The following HLCS variants were observed in gnomAD, a reference collection of about 807,000 sequenced individuals.
HLCS encodes the protein biotin--protein ligase.
Under a neutral mutation model 75.0 loss-of-function variants are expected in HLCS, and 53 were observed. That is an observed-to-expected ratio of 0.71 (90% CI 0.57 to 0.89). The LOEUF (loss-of-function observed/expected upper bound fraction) is 0.89. HLCS is among the 40% of genes least tolerant of loss of function. The pLI is 0.00. For missense variants in HLCS, 966 were observed against 1,074.0 expected (o/e 0.90, Z 1.41); for synonymous variants, 431 against 428.6 (o/e 1.01, Z -0.07).
chr21:36,821,169 C>T (rs183752097), intron 6 of HLCS, among the ~76,000 whole-genome samples: 45 of 152,286 alleles, frequency 3.0e-4, no homozygotes, highest in African/African-American at 1.0e-3. Context: ...ACTTGGGTGA[C>T]GGCGAATTTC....
At chr21:36,887,537 A>G (rs2053072136) in intron 6 of HLCS, among the ~76,000 whole-genome samples, 1 of 152,234 alleles carries the variant, frequency 6.6e-6, no homozygotes, top group Non-Finnish European at 1.5e-5. Context: ...GGCATGTGAA[A>G]GGTTAACTTA....
upstream of HLCS, among the ~76,000 whole-genome samples, chr21:36,968,043 A>G (rs1289441431): frequency 1.3e-5 from 2 of 151,692 alleles, no homozygotes; most frequent in African/African-American, 4.8e-5. Context: ...TTTAAGAGAC[A>G]AGGTTTCGTT....
At chr21:36,881,472 G>T (rs1021070287) in intron 6 of HLCS, among the ~76,000 whole-genome samples, 1 of 152,190 alleles carries the variant, frequency 6.6e-6, no homozygotes, top group Non-Finnish European at 1.5e-5. Context: ...TGGGAAGCAC[G>T]GAATGAAGCC....
intron 6 of HLCS, among the ~76,000 whole-genome samples, chr21:36,782,581 C>G (rs79808164): frequency 0.062 from 9,484 of 152,144 alleles, 384 homozygotes; most frequent in South Asian, 0.17. Context: ...TTCCACAAAA[C>G]GTGTTCCATG....
intron 6 of HLCS, among the ~76,000 whole-genome samples, chr21:36,779,710 CT>C (rs35188541): frequency 0.65 from 97,331 of 150,884 alleles, 32,642 homozygotes; most frequent in African/African-American, 0.84. Context: ...TGGATTTGTT[CT>C]TTTTTTTTTC....
At chr21:36,942,825 G>C (rs2067211083) in intron 2 of HLCS, among the ~76,000 whole-genome samples, 1 of 152,074 alleles carries the variant, frequency 6.6e-6, no homozygotes, top group Admixed American at 6.6e-5. Flanking sequence ...AGCTACTAGG[G>C]AGGCTGAGGC....
rs142768392 is a variant in HLCS at position 36,916,648 on chromosome 21, G to A, written c.1620+13603C>T. On this transcript the variant is annotated intron_variant, in intron 5 of 10. Transcript: ENST00000674895. ...CAGCCTCCCGAAGTGCTGAGATTAC[G>A]GGCATGAGCCGCTGCACCTGACCAA... 5.7e-3 allele frequency among the ~76,000 whole-genome samples: 868 copies of A among 151,230 alleles called. 7 individuals carry two copies. The highest frequency in any genetic ancestry group is 0.014 in the African/African-American group (591 of 41,170).
intron 6 of HLCS, among the ~76,000 whole-genome samples, chr21:36,888,481 T>C (rs1459694820): frequency 1.6e-5 from 2 of 127,364 alleles, no homozygotes; most frequent in Admixed American, 1.6e-4. Context: ...TATATATATA[T>C]ATATATATAT....
chr21:36,888,255 C>A (rs1007656940), intron 6 of HLCS, among the ~76,000 whole-genome samples: 4 of 151,490 alleles, frequency 2.6e-5, no homozygotes, highest in African/African-American at 9.7e-5. Context: ...AGAGTTGAGT[C>A]AGTTAGCAGC....
At chr21:36,902,613 A>G (rs73214737) in intron 5 of HLCS, among the ~76,000 whole-genome samples, 18,455 of 152,294 alleles carry the variant, frequency 0.12, 1,461 homozygotes, top group Non-Finnish European at 0.18. Flanking sequence ...GATTGCTTCT[A>G]TGTTCTCAAT....
chr21:36,904,213 T>C (rs2065355426), intron 5 of HLCS, among the ~76,000 whole-genome samples: 1 of 152,236 alleles, frequency 6.6e-6, no homozygotes, highest in Admixed American at 6.5e-5. Context: ...TACACTTCTC[T>C]TTGGCAAAGT....
chr21:36,871,145 T>C (rs747877849), intron 6 of HLCS, among the ~76,000 whole-genome samples: 1 of 152,202 alleles, frequency 6.6e-6, no homozygotes, highest in Non-Finnish European at 1.5e-5. Flanking sequence ...GGCTGCATGA[T>C]ATGAGGTGTG....
chr21:36,924,230 A>AT (rs1407208010), intron 5 of HLCS, among the ~76,000 whole-genome samples: 7 of 152,120 alleles, frequency 4.6e-5, no homozygotes, highest in South Asian at 2.1e-4. Flanking sequence ...GCAGGCAAAG[A>AT]TTTTTTTTAG....
Position 36,749,675 on chromosome 21 carries a change from G to C in HLCS, c.*4571C>G, listed in dbSNP as rs897253288. ...TTGTGAGTGTGTGCACAGGAAATAAGCCGAGGGTATTATTTTTTTATGTTC... is the reference window on the plus strand; with the variant it reads ...TTGTGAGTGTGTGCACAGGAAATAACCCGAGGGTATTATTTTTTTATGTTC... On this transcript the variant is annotated 3_prime_UTR_variant, in exon 11 of 11. Transcript: ENST00000674895. 1.3e-5 allele frequency: 2 copies of C among 152,104 alleles called. No individual in the cohort carries two copies. Among genetic ancestry groups the C allele is most frequent in the Non-Finnish European group, 2.9e-5 (2 of 68,026 alleles). The allele number at this position is 152,104 out of a possible 1,614,324, so 9.4% of individuals were successfully genotyped here.
intron 6 of HLCS, among the ~76,000 whole-genome samples, chr21:36,865,180 G>C (rs989095194): frequency 1.3e-5 from 2 of 151,892 alleles, no homozygotes; most frequent in Non-Finnish European, 2.9e-5. Flanking sequence ...ACATCTGCTC[G>C]GGCGGATCAA....
At chr21:36,945,532 A>G (rs1047290208) in intron 2 of HLCS, among the ~76,000 whole-genome samples, 7 of 152,234 alleles carry the variant, frequency 4.6e-5, no homozygotes, top group Non-Finnish European at 1.0e-4. Flanking sequence ...TCTCGAATAC[A>G]TTACATTAAG....
intron 1 of HLCS, among the ~76,000 whole-genome samples, chr21:36,965,859 T>G (rs1442134000): frequency 1.3e-5 from 2 of 150,976 alleles, no homozygotes; most frequent in Non-Finnish European, 3.0e-5. Context: ...CAAGTGACCC[T>G]CCCGCCTCAC....
At chr21:36,818,255 T>C (rs2061720422) in intron 6 of HLCS, among the ~76,000 whole-genome samples, 1 of 152,242 alleles carries the variant, frequency 6.6e-6, no homozygotes, top group Admixed American at 6.5e-5. Context: ...TTCTGTGGCA[T>C]GGCTAATGCA....
At chr21:36,886,202 C>T (rs913034260) in intron 6 of HLCS, among the ~76,000 whole-genome samples, 2 of 151,684 alleles carry the variant, frequency 1.3e-5, no homozygotes, top group African/African-American at 4.8e-5. Flanking sequence ...GAGGCCGAGA[C>T]GGGCGGATCA....
Sources: gnomAD v4.1 joint callset for allele counts (sites outside exome capture counted in the v4.1 genomes callset) on GRCh38, gnomAD v4.1.1 for gene constraint, MANE v1.5 for transcripts, NCBI Gene and HGNC (gene_info 2026-07-23, HGNC 2026-07-21) for gene names.